Variants in DACH2 observed in about 807,000 individuals in gnomAD.
DACH2 encodes dachshund homolog 2.
Under a neutral mutation model 35.8 loss-of-function variants are expected in DACH2, and 17 were observed. The observed-to-expected ratio is 0.48, with a 90% CI of 0.33 to 0.71. The LOEUF is 0.71. DACH2 is among the 30% of genes least tolerant of loss of function. DACH2 has a pLI of 0.02. For synonymous variants in DACH2, 195 were observed against 177.3 expected (o/e 1.10, Z -0.79); for missense variants, 469 against 472.7 (o/e 0.99, Z 0.07).
intron 3 of DACH2, among the ~76,000 whole-genome samples, chrX:86,518,162 C>G (rs1440185348): frequency 8.9e-6 from 1 of 112,074 alleles, no homozygotes; most frequent in Non-Finnish European, 1.9e-5. Flanking sequence ...AGTTTTCTTC[C>G]TATTCCTTAT....
chrX:86,439,169 A>G (rs1051745242), intron 2 of DACH2, among the ~76,000 whole-genome samples: 3 of 112,049 alleles, frequency 2.7e-5, no homozygotes, highest in Admixed American at 9.5e-5. Flanking sequence ...TTTTTCATAT[A>G]ACTGTTAGCC....
intron 7 of DACH2, among the ~76,000 whole-genome samples, chrX:86,743,370 A>T (rs2041677756): frequency 9.0e-6 from 1 of 111,566 alleles, no homozygotes; most frequent in Admixed American, 9.6e-5. Context: ...ACTGAGTACA[A>T]CTTTGTTTGT....
At chrX:86,784,231 C>T (rs2042116250) in intron 7 of DACH2, among the ~76,000 whole-genome samples, 1 of 109,773 alleles carries the variant, frequency 9.1e-6, no homozygotes, top group African/African-American at 3.3e-5. Context: ...ATGCATCTGA[C>T]AAAAATTTAA....
intron 6 of DACH2, among the ~76,000 whole-genome samples, chrX:86,715,085 G>A (rs1451138663): frequency 9.0e-6 from 1 of 111,190 alleles, no homozygotes; most frequent in Admixed American, 9.6e-5. Context: ...ACAGTTATGA[G>A]GTATGATATA....
intron 2 of DACH2, among the ~76,000 whole-genome samples, chrX:86,392,629 T>C (rs1265180425): frequency 3.6e-5 from 4 of 111,410 alleles, no homozygotes; most frequent in African/African-American, 9.8e-5. Flanking sequence ...GAGCTAGAAA[T>C]AATTATGGCA....
intron 3 of DACH2, among the ~76,000 whole-genome samples, chrX:86,518,409 A>T (rs1267057525): frequency 8.9e-6 from 1 of 111,933 alleles, no homozygotes; most frequent in Admixed American, 9.5e-5. Flanking sequence ...AAATTTTAAA[A>T]TAGGTTTTTC....
chrX:86,758,916 A>G (rs892657687), intron 7 of DACH2, among the ~76,000 whole-genome samples: 2 of 112,482 alleles, frequency 1.8e-5, no homozygotes, highest in East Asian at 5.6e-4. Context: ...TATTACAAAC[A>G]ATCCACTCAT....
At chrX:86,568,183 A>T (rs1282447884) in intron 3 of DACH2, among the ~76,000 whole-genome samples, 1 of 111,544 alleles carries the variant, frequency 9.0e-6, no homozygotes, top group Non-Finnish European at 1.9e-5. Context: ...TTAATGTGTC[A>T]AACTATTCTG....
chrX:86,718,538 A>T (rs1046947518), intron 6 of DACH2, among the ~76,000 whole-genome samples: 1 of 111,845 alleles, frequency 8.9e-6, no homozygotes, highest in African/African-American at 3.3e-5. Context: ...CATCTTATTC[A>T]TAAATACTTT....
intron 7 of DACH2, among the ~76,000 whole-genome samples, chrX:86,756,476 T>G (rs999996686): frequency 9.2e-6 from 1 of 108,940 alleles, no homozygotes; most frequent in Non-Finnish European, 1.9e-5. Flanking sequence ...CTCCTAGGTT[T>G]TTTTTTTTTT....
rs183828605 is a variant in DACH2, at chrX:86,191,463, T to C, written c.488+42355T>C. On this transcript the variant is annotated intron_variant, in intron 1 of 11. Coordinates refer to ENST00000373125, the MANE Select transcript of DACH2 (RefSeq NM_053281.3). Reference sequence around the variant, plus strand: ...GACACAAAGAAGGGAACAACAGACATTGGGGCCCAGTGTAGGGTAGCGGGT... The same window carrying C: ...GACACAAAGAAGGGAACAACAGACACTGGGGCCCAGTGTAGGGTAGCGGGT... Among the ~76,000 whole-genome samples, 21 of 110,468 alleles carry C rather than the reference T, an allele frequency of 1.9e-4. No individual in the cohort carries two copies. The East Asian group carries it at 5.4e-3, about 29-fold the overall frequency.
At chrX:86,304,810 C>G (rs1332379036) in intron 1 of DACH2, 1 of 153,181 alleles carries the variant, frequency 6.5e-6, no homozygotes, top group African/African-American at 3.1e-5. Flanking sequence ...TTGCAGAGAC[C>G]CAGAGGCACA....
rs190981683 is a variant in DACH2 at position 86,782,109 on chromosome X, T to C, written c.1241-30747T>C. Among the ~76,000 whole-genome samples the C allele has an allele frequency of 1.8e-3, 200 of 111,635 alleles. 1 individual carries two copies. The highest frequency in any genetic ancestry group is 6.1e-3 in the African/African-American group (188 of 30,797). On this transcript the variant is annotated intron_variant, in intron 7 of 11. Transcript: ENST00000373125. ...ATATCACAATAGTGACACATAAAAT[T>C]CAATGCCTAGTAATTAACCACAAAA...
intron 2 of DACH2, among the ~76,000 whole-genome samples, chrX:86,476,286 T>A (rs769893593): frequency 1.8e-5 from 2 of 112,003 alleles, no homozygotes; most frequent in Non-Finnish European, 3.8e-5. Flanking sequence ...AATTCAGCAG[T>A]GAAGCCATCA....
At chrX:86,480,070 T>C (rs1436009914) in intron 2 of DACH2, among the ~76,000 whole-genome samples, 5 of 111,929 alleles carry the variant, frequency 4.5e-5, no homozygotes, top group Non-Finnish European at 5.6e-5. Flanking sequence ...AAAAGTTAGT[T>C]TTTTATTGTG....
intron 3 of DACH2, among the ~76,000 whole-genome samples, chrX:86,530,760 G>C (rs1429273389): frequency 8.9e-6 from 1 of 112,122 alleles, no homozygotes; most frequent in Non-Finnish European, 1.9e-5. Flanking sequence ...ACTGGATAAG[G>C]GGAAGAGGCT....
At chrX:86,616,265 T>C (rs1182722600) in intron 3 of DACH2, among the ~76,000 whole-genome samples, 1 of 112,010 alleles carries the variant, frequency 8.9e-6, no homozygotes, top group Admixed American at 9.5e-5. Context: ...TAGAAAGATT[T>C]ATATTCCTTT....
chrX:86,346,987 G>A (rs1303051683), intron 1 of DACH2, among the ~76,000 whole-genome samples: 1 of 111,513 alleles, frequency 9.0e-6, no homozygotes, highest in East Asian at 2.8e-4. Flanking sequence ...GAACTGTTTT[G>A]TAATGTTAAA....
intron 4 of DACH2, among the ~76,000 whole-genome samples, chrX:86,664,483 A>G (rs2040643786): frequency 1.8e-5 from 2 of 111,652 alleles, no homozygotes; most frequent in East Asian, 2.8e-4. Context: ...TATACCTGCC[A>G]TGGAGTTTTC....
Sources: allele counts gnomAD v4.1 joint callset (sites outside exome capture counted in the v4.1 genomes callset), GRCh38; gene constraint gnomAD v4.1.1; transcripts MANE v1.5; gene names NCBI Gene and HGNC (gene_info 2026-07-23, HGNC 2026-07-21).